Variants in NRXN3 observed in about 807,000 individuals in gnomAD.
The protein encoded by NRXN3 is neurexin III.
NRXN3 carries 32 observed loss-of-function variants against 137.6 expected under a neutral mutation model. The ratio of observed to expected loss-of-function variants is 0.23; its 90% confidence interval spans 0.18 to 0.31. The LOEUF (loss-of-function observed/expected upper bound fraction) is 0.31. Among genes scored for constraint, NRXN3 ranks in the 10% least tolerant of loss-of-function variants. The pLI is 1.00. For synonymous variants in NRXN3, 798 were observed against 784.5 expected (o/e 1.02, Z -0.29); for missense variants, 1,574 against 2,062.5 (o/e 0.76, Z 4.59).
At chr14:79,447,484 A>G (rs1389340042) in intron 15 of NRXN3, among the ~76,000 whole-genome samples, 1 of 152,228 alleles carries the variant, frequency 6.6e-6, no homozygotes, top group African/African-American at 2.4e-5. Context: ...AAATAAGATA[A>G]CTAATTTAGA....
chr14:79,355,349 A>AC (rs2093384894), intron 15 of NRXN3, among the ~76,000 whole-genome samples: 1 of 150,282 alleles, frequency 6.7e-6, no homozygotes, highest in Non-Finnish European at 1.5e-5. Flanking sequence ...ATGCCATGTT[A>AC]CCCTATGCCT....
At chr14:78,869,027 T>C (rs1207157959) in intron 10 of NRXN3, among the ~76,000 whole-genome samples, 1 of 151,908 alleles carries the variant, frequency 6.6e-6, no homozygotes, top group Non-Finnish European at 1.5e-5. Flanking sequence ...AATCCAGAAA[T>C]GAGTCATTTT....
At chr14:79,467,522 T>A (rs1046719106) in intron 16 of NRXN3, 120 bp downstream of exon 16, 7 of 907,566 alleles carry the variant, frequency 7.7e-6, no homozygotes, top group Admixed American at 3.4e-5. Context: ...CTTATAAAAA[T>A]TGTTTTCAGA....
At chr14:78,441,394 A>T (rs1442232417) in intron 4 of NRXN3, among the ~76,000 whole-genome samples, 1 of 151,900 alleles carries the variant, frequency 6.6e-6, no homozygotes, top group Non-Finnish European at 1.5e-5. Flanking sequence ...CCTTATCAAA[A>T]TCCATCCTTC....
At chr14:78,951,498 T>C (rs1233779162) in intron 10 of NRXN3, among the ~76,000 whole-genome samples, 1 of 152,172 alleles carries the variant, frequency 6.6e-6, no homozygotes, top group Non-Finnish European at 1.5e-5. Context: ...TGGAACATTC[T>C]ACAAAGTAGC....
At chr14:78,406,172 G>C (rs1567500323) in intron 4 of NRXN3, among the ~76,000 whole-genome samples, 1 of 152,196 alleles carries the variant, frequency 6.6e-6, no homozygotes, top group Admixed American at 6.5e-5. Flanking sequence ...GGGCTTTGAA[G>C]CATGAGCAGA....
At chr14:79,017,251 C>T (rs1344581928) in intron 15 of NRXN3, among the ~76,000 whole-genome samples, 1 of 151,752 alleles carries the variant, frequency 6.6e-6, no homozygotes, top group Admixed American at 6.6e-5. Context: ...GCCCATCTAC[C>T]CCTTTCTACA....
At chr14:78,547,478 TTTATGTATAATTTATG>T (rs1273812098) in intron 4 of NRXN3, among the ~76,000 whole-genome samples, 2 of 152,106 alleles carry the variant, frequency 1.3e-5, no homozygotes, top group Non-Finnish European at 2.9e-5. Flanking sequence ...CATTCATACT[TTTATGTATAATTTATG>T]TTTATTTTAT....
intron 19 of NRXN3, among the ~76,000 whole-genome samples, chr14:79,755,243 AAATG>A (rs2099015306): frequency 6.6e-6 from 1 of 152,210 alleles, no homozygotes; most frequent in Non-Finnish European, 1.5e-5. Flanking sequence ...AAAACAATGT[AAATG>A]CTATGTAAAT....
At chr14:78,598,732 C>A (rs1054613431) in intron 4 of NRXN3, among the ~76,000 whole-genome samples, 2 of 152,140 alleles carry the variant, frequency 1.3e-5, no homozygotes, top group Admixed American at 1.3e-4. Flanking sequence ...GCAGAGGGAG[C>A]CAATATCTCG....
chr14:78,878,279 AACTT>A (rs2099118635), intron 10 of NRXN3, among the ~76,000 whole-genome samples: 1 of 152,152 alleles, frequency 6.6e-6, no homozygotes, highest in African/African-American at 2.4e-5. Flanking sequence ...ATGTTACTTA[AACTT>A]ACTTTTCTTC....
At chr14:78,289,270 G>T (rs2075531381) in intron 3 of NRXN3, among the ~76,000 whole-genome samples, 1 of 152,134 alleles carries the variant, frequency 6.6e-6, no homozygotes, top group Admixed American at 6.5e-5. Flanking sequence ...GTATAGCTTG[G>T]CTGTAGTGGT....
chr14:78,498,788 C>A (rs1321465928), intron 4 of NRXN3, among the ~76,000 whole-genome samples: 1 of 137,662 alleles, frequency 7.3e-6, no homozygotes, highest in South Asian at 2.4e-4. Context: ...TAGCTCTTAT[C>A]TTTTCTTTTT....
At chr14:79,320,569 C>T (rs1598680189) in intron 15 of NRXN3, among the ~76,000 whole-genome samples, 4 of 152,094 alleles carry the variant, frequency 2.6e-5, no homozygotes, top group African/African-American at 9.7e-5. Flanking sequence ...TGTGATAGGC[C>T]TTTGGGAATA....
chr14:79,370,328 T>TA (rs971831576), intron 15 of NRXN3, among the ~76,000 whole-genome samples: 1 of 151,204 alleles, frequency 6.6e-6, no homozygotes, highest in Non-Finnish European at 1.5e-5. Flanking sequence ...TTTTTGTTTT[T>TA]TTTTTTTGAG....
chr14:79,389,512 G>T (rs1302632169), intron 15 of NRXN3, among the ~76,000 whole-genome samples: 2 of 152,100 alleles, frequency 1.3e-5, no homozygotes, highest in African/African-American at 4.8e-5. Context: ...TACCTTTATG[G>T]AACACATTCA....
At chr14:79,183,319 A>C (rs961457027) in intron 15 of NRXN3, among the ~76,000 whole-genome samples, 1 of 152,172 alleles carries the variant, frequency 6.6e-6, no homozygotes, top group African/African-American at 2.4e-5. Flanking sequence ...AGCCAGTTCA[A>C]CCCAACCACA....
In NRXN3 at chr14:79,730,850, C is replaced by T. The variant is rs531695396; in HGVS notation, c.4014+32913C>T. Among the ~76,000 whole-genome samples, 10 of 152,216 alleles carry T rather than the reference C, an allele frequency of 6.6e-5. No homozygotes were observed. In the South Asian group the frequency reaches 1.0e-3, roughly 16 times the overall value. On this transcript the variant is annotated intron_variant, in intron 19 of 20. Transcript: ENST00000335750. ...AGTGAACAAAATGCTAGCCTTAACCCGGTCAGTAAATTATTTGGCCATAGG... is the reference window on the plus strand; with the variant it reads ...AGTGAACAAAATGCTAGCCTTAACCTGGTCAGTAAATTATTTGGCCATAGG...
chr14:78,208,864 C>T (rs971321198), intron 1 of NRXN3, among the ~76,000 whole-genome samples: 2 of 152,180 alleles, frequency 1.3e-5, no homozygotes, highest in East Asian at 1.9e-4. Context: ...CCATTATGTG[C>T]TATTTAATTT....
Sources: gnomAD v4.1 joint callset for allele counts (sites outside exome capture counted in the v4.1 genomes callset) on GRCh38, gnomAD v4.1.1 for gene constraint, MANE v1.5 for transcripts, NCBI Gene and HGNC (gene_info 2026-07-23, HGNC 2026-07-21) for gene names.